TM9SF3: variants seen among roughly 807,000 people sequenced by gnomAD.
TM9SF3 encodes SM-11044-binding protein.
Under a neutral mutation model 78.6 loss-of-function variants are expected in TM9SF3, and 14 were observed. The observed-to-expected ratio is 0.18, with a 90% CI of 0.12 to 0.28. The LOEUF (loss-of-function observed/expected upper bound fraction) is 0.28, where lower values mean the gene tolerates loss of function less well. TM9SF3 is among the 10% of genes least tolerant of loss of function. The probability of loss-of-function intolerance (pLI) is 1.00; values close to 1 mark genes in which losing one functional copy is unlikely to be tolerated. For missense variants in TM9SF3, 496 were observed against 721.9 expected, an observed-to-expected ratio of 0.69 and a Z score of 3.59; for synonymous variants, 231 against 241.7, an observed-to-expected ratio of 0.96 and a Z score of 0.41.
At position 96,553,865 on chromosome 10, in the gene TM9SF3, T is replaced by C. The variant is rs750295309; in HGVS notation, c.661-806A>G. On this transcript the variant is annotated intron_variant, in intron 5 of 14. Transcript: ENST00000371142. ...GCATATCTGATTTGAACTAGGTCTG[T>C]GGCACTGCCCAGTTATTTCTTTATT... Among the ~76,000 whole-genome samples, 18 of 152,362 alleles carry C rather than the reference T, an allele frequency of 1.2e-4. No homozygotes were observed. In the South Asian group the frequency reaches 1.4e-3, roughly 12 times the overall value.
intron 12 of TM9SF3, 116 bp from the exon 13 acceptor site, chr10:96,527,612 A>T (rs1464422160): frequency 2.6e-6 from 2 of 774,454 alleles, no homozygotes; most frequent in African/African-American, 3.5e-5. Flanking sequence ...AAACTTATTT[A>T]AAAAACAAAT....
Position 96,547,946 on chromosome 10 carries a change from T to C in TM9SF3, c.1003A>G (p.Thr335Ala), listed in dbSNP as rs1430078764. The C allele has an allele frequency of 6.2e-7, 1 of 1,613,764 alleles. No homozygotes were observed. Among genetic ancestry groups the C allele is most frequent in the South Asian group, 1.1e-5 (1 of 91,048 alleles). The change falls in exon 8 of 15, where the codon ACG (threonine) becomes GCG (alanine). Residue 335 changes from threonine to alanine, a missense_variant. Around this residue, in one of 4 missense-constraint regions of TM9SF3, gnomAD observed 280 missense variants for 422.6 expected, o/e 0.66. Coordinates refer to ENST00000371142, the MANE Select transcript of TM9SF3 (RefSeq NM_020123.4). Reference sequence around the variant, plus strand: ...CCAAAATAACCATTCACTGGAGACGTAGCAGCATAGACAAATATGGCTGTA... The same window carrying C: ...CCAAAATAACCATTCACTGGAGACGCAGCAGCATAGACAAATATGGCTGTA... ...LSTAIFVYAA[T>A]SPVNGYFGGS...
At chr10:96,581,660 T>C (rs111877083) in intron 1 of TM9SF3, among the ~76,000 whole-genome samples, 12 of 152,224 alleles carry the variant, frequency 7.9e-5, no homozygotes, top group African/African-American at 1.7e-4. Context: ...AATTCACTTA[T>C]AGTAAACAGC....
intron 7 of TM9SF3, 59 bp from the exon 8 acceptor site, chr10:96,548,048 G>A (rs972883492): frequency 8.9e-7 from 1 of 1,127,628 alleles, no homozygotes; most frequent in Non-Finnish European, 1.3e-6. Context: ...AAACATCATA[G>A]TCTATTATAT....
At position 96,586,865 on chromosome 10, in the gene TM9SF3, T is replaced by TCACCGACTCCTCCTCCCGC. The variant is rs1327185210; in HGVS notation, c.-49_-31dup. The TCACCGACTCCTCCTCCCGC allele has an allele frequency of 1.9e-5, 23 of 1,190,548 alleles. No individual in the cohort carries two copies. In the East Asian group the frequency reaches 4.7e-4, roughly 24 times the overall value. 73.7% of individuals were successfully genotyped at this position (1,190,548 alleles called of 1,614,324 possible). ...CGCGCCCCTCCGGCCCGGAGCCGGC[T>TCACCGACTCCTCCTCCCGC]CACCGACTCCTCCTCCCGCCGCCGC... On this transcript the variant is annotated 5_prime_UTR_variant, in exon 1 of 15. The change abolishes the stop of an existing upstream ORF in the 5' untranslated region. Transcript: ENST00000371142.
At chr10:96,560,928 A>T (rs370163897) in intron 4 of TM9SF3, 44 of 496,938 alleles carry the variant, frequency 8.9e-5, no homozygotes, top group African/African-American at 7.7e-4. Context: ...TGCATTGAAC[A>T]GTTCAGGGCA....
chr10:96,530,543 T>G lies in TM9SF3; in HGVS notation c.1391A>C (p.Glu464Ala). 1 of 1,610,906 alleles carries G rather than the reference T, an allele frequency of 6.2e-7. No homozygotes were observed. The highest frequency in any genetic ancestry group is 8.5e-7 in the Non-Finnish European group (1 of 1,178,250). The change falls in exon 11 of 15, where the codon GAA (glutamate) becomes GCA (alanine). Residue 464 changes from glutamate (E) to alanine (A), a missense_variant. This residue lies in a region of TM9SF3 where 280 missense variants were observed against 422.6 expected (regional missense o/e 0.66). Coordinates refer to ENST00000371142, the MANE Select transcript of TM9SF3 (RefSeq NM_020123.4). ...TAAATACATTATCAAAACTTACATT[T>G]CAATAAAGATTGAACCAAAAGGTAA... ...GILPFGSIFI[E>A]MYFIFTSFWA...
intron 2 of TM9SF3, among the ~76,000 whole-genome samples, chr10:96,567,608 C>T (rs981912390): frequency 6.6e-6 from 1 of 152,206 alleles, no homozygotes; most frequent in African/African-American, 2.4e-5. Flanking sequence ...AAAGGAATCC[C>T]TGACTCCCCA....
Position 96,525,659 on chromosome 10 carries a change from A to T in TM9SF3, c.1702+1554T>A, listed in dbSNP as rs923356137. On this transcript the variant is annotated intron_variant, in intron 14 of 14. Coordinates refer to ENST00000371142, the MANE Select transcript of TM9SF3 (RefSeq NM_020123.4). ...ATACATACATAAATAGCCAATGGCA[A>T]GTAACAGAAAAAGGAGGAAAATTAT... Among the ~76,000 whole-genome samples, 3 of 152,230 alleles carry T rather than the reference A, an allele frequency of 2.0e-5. No homozygotes were observed. In the East Asian group the frequency reaches 5.8e-4, roughly 29 times the overall value.
At chr10:96,523,428 G>C (rs762458806) in intron 14 of TM9SF3, among the ~76,000 whole-genome samples, 1 of 151,716 alleles carries the variant, frequency 6.6e-6, no homozygotes, top group African/African-American at 2.4e-5. Context: ...TATACCCCAA[G>C]GCTACCAACT....
intron 10 of TM9SF3, 65 bp downstream of exon 10, chr10:96,532,986 C>T: frequency 6.4e-7 from 1 of 1,568,154 alleles, no homozygotes; most frequent in Non-Finnish European, 8.7e-7. Context: ...GTTACATGTA[C>T]ACAACAGCCT....
chr10:96,582,550 A>G lies in TM9SF3; in HGVS notation c.102+4184T>C, dbSNP rs1372413342. 2.6e-5 allele frequency among the ~76,000 whole-genome samples: 4 copies of G among 152,350 alleles called. No individual in the cohort carries two copies. The South Asian group carries it at 8.3e-4, about 32-fold the overall frequency. Reference sequence around the variant, plus strand: ...AGCATAAACATACCTTTCACTGACTATAAAGAAGCCTATGTCCCTTCAATC... The same window carrying G: ...AGCATAAACATACCTTTCACTGACTGTAAAGAAGCCTATGTCCCTTCAATC... On this transcript the variant is annotated intron_variant, in intron 1 of 14. Transcript: ENST00000371142.
intron 8 of TM9SF3, among the ~76,000 whole-genome samples, chr10:96,546,915 C>A (rs1246909324): frequency 6.6e-6 from 1 of 152,212 alleles, no homozygotes; most frequent in African/African-American, 2.4e-5. Context: ...AACAACACTT[C>A]ATTCATAAAC....
intron 7 of TM9SF3, among the ~76,000 whole-genome samples, chr10:96,550,506 A>G (rs1027404951): frequency 1.3e-5 from 2 of 152,220 alleles, no homozygotes; most frequent in Non-Finnish European, 2.9e-5. Flanking sequence ...GGAGGACTTC[A>G]TATGGCCGCA....
intron 1 of TM9SF3, among the ~76,000 whole-genome samples, chr10:96,580,517 C>T (rs191440505): frequency 3.6e-4 from 55 of 152,256 alleles, no homozygotes; most frequent in Non-Finnish European, 5.4e-4. Flanking sequence ...CCACCCGCCT[C>T]GGCCTCCCAA....
chr10:96,530,503 A>T (rs1437647048), intron 11 of TM9SF3, 37 bp downstream of exon 11: 2 of 1,544,444 alleles, frequency 1.3e-6, no homozygotes, highest in Non-Finnish European at 1.8e-6. Flanking sequence ...TACTATAATC[A>T]AATCCCTCAA....
chr10:96,579,631 T>C lies in TM9SF3; in HGVS notation c.103-2802A>G, dbSNP rs189873603. Among the ~76,000 whole-genome samples the C allele has an allele frequency of 3.4e-3, 520 of 152,334 alleles. 2 individuals carry two copies. The highest frequency in any genetic ancestry group is 0.026 in the South Asian group (126 of 4,828). The stretch of plus-strand genomic sequence containing the variant: ...CTGTAATAAAATTTATATCATTTTG[T>C]AGTCTAAGATTCTTTCTGGGAAGAG... On this transcript the variant is annotated intron_variant, in intron 1 of 14. Transcript: ENST00000371142.
chr10:96,551,423 T>C lies in TM9SF3; in HGVS notation c.793-12A>G. ...CCTAGGTCTCTATCCTATATACAAA[T>C]ATATATATAGAGAGAGAAAAGCAAA... On this transcript the variant is annotated splice_polypyrimidine_tract_variant and intron_variant, in intron 6 of 14. Coordinates refer to ENST00000371142, the MANE Select transcript of TM9SF3 (RefSeq NM_020123.4). 1 of 1,522,626 alleles carries C rather than the reference T, an allele frequency of 6.6e-7. No individual in the cohort carries two copies. The allele number at this position is 1,522,626 out of a possible 1,614,324, so 94.3% of individuals were successfully genotyped here.
chr10:96,570,119 A>G (rs1264564049), intron 2 of TM9SF3, among the ~76,000 whole-genome samples: 1 of 152,264 alleles, frequency 6.6e-6, no homozygotes, highest in African/African-American at 2.4e-5. Flanking sequence ...TATGGGGACA[A>G]GCTCATAAAA....
Sources: allele counts gnomAD v4.1 joint callset (sites outside exome capture counted in the v4.1 genomes callset), GRCh38; gene constraint gnomAD v4.1.1; regional missense constraint gnomAD v4.1.1; transcripts MANE v1.5; gene names NCBI Gene and HGNC (gene_info 2026-07-23, HGNC 2026-07-21).